Variants in NHSL1 observed in about 807,000 individuals in gnomAD.
NHSL1 encodes NHS-like protein 1.
NHSL1 carries 48 observed loss-of-function variants against 95.0 expected under a neutral mutation model. The ratio of observed to expected loss-of-function variants is 0.51; its 90% CI spans 0.40 to 0.64. The LOEUF (loss-of-function observed/expected upper bound fraction) is 0.64, where lower values mean the gene tolerates loss of function less well. Ranked by LOEUF, NHSL1 falls within the 30% of genes least tolerant of loss-of-function variation. The pLI is 0.00. For synonymous variants in NHSL1, 783 were observed against 833.9 expected, an observed-to-expected ratio of 0.94 and a Z score of 1.05; for missense variants, 1,971 against 2,077.7, an observed-to-expected ratio of 0.95 and a Z score of 1.00.
intron 1 of NHSL1, among the ~76,000 whole-genome samples, chr6:138,635,352 G>T (rs1356644249): frequency 2.0e-5 from 3 of 152,156 alleles, no homozygotes; most frequent in Admixed American, 6.5e-5. Flanking sequence ...TATGAAAAAT[G>T]AGACATTACA....
intron 1 of NHSL1, among the ~76,000 whole-genome samples, chr6:138,585,017 G>A (rs932837478): frequency 1.3e-5 from 2 of 152,116 alleles, no homozygotes; most frequent in African/African-American, 2.4e-5. Flanking sequence ...CTTGAACCCC[G>A]GCATGCTACA....
intron 1 of NHSL1, among the ~76,000 whole-genome samples, chr6:138,581,897 CTTTTTTTTTT>C (rs370719757): frequency 1.6e-5 from 2 of 124,324 alleles, no homozygotes; most frequent in South Asian, 2.6e-4. Flanking sequence ...CTTTTTCTTT[CTTTTTTTTTT>C]TTTTTTTTGA....
intron 1 of NHSL1, among the ~76,000 whole-genome samples, chr6:138,689,089 C>T (rs1355004910): frequency 6.6e-6 from 1 of 152,190 alleles, no homozygotes; most frequent in Non-Finnish European, 1.5e-5. Flanking sequence ...CATCCTCCTT[C>T]CTCCCTAAGG....
At chr6:138,643,476 C>T (rs1057319874) in intron 1 of NHSL1, among the ~76,000 whole-genome samples, 1 of 152,240 alleles carries the variant, frequency 6.6e-6, no homozygotes, top group South Asian at 2.1e-4. Context: ...TAATGTGTAT[C>T]CACTATTAAA....
At chr6:138,640,579 T>G (rs1295386636) in intron 1 of NHSL1, among the ~76,000 whole-genome samples, 1 of 152,176 alleles carries the variant, frequency 6.6e-6, no homozygotes, top group Non-Finnish European at 1.5e-5. Flanking sequence ...TTTCTCTTCT[T>G]TATGATTTTC....
chr6:138,526,525 C>G (rs1331352576), intron 1 of NHSL1, among the ~76,000 whole-genome samples: 2 of 152,138 alleles, frequency 1.3e-5, no homozygotes, highest in African/African-American at 4.8e-5. Context: ...AGTGCCCACT[C>G]TTCTTCCTTT....
chr6:138,530,396 TA>T (rs1397111520), intron 1 of NHSL1, among the ~76,000 whole-genome samples: 1 of 152,150 alleles, frequency 6.6e-6, no homozygotes, highest in Non-Finnish European at 1.5e-5. Context: ...AAAGTAGAAG[TA>T]CCATTCGATC....
At chr6:138,606,921 T>C (rs1200198734) in intron 1 of NHSL1, among the ~76,000 whole-genome samples, 1 of 152,048 alleles carries the variant, frequency 6.6e-6, no homozygotes. Context: ...GCCAGGATGG[T>C]CTCGATCTCC....
intron 3 of NHSL1, among the ~76,000 whole-genome samples, chr6:138,453,264 A>G (rs72988956): frequency 0.13 from 20,210 of 152,130 alleles, 1,360 homozygotes; most frequent in Middle Eastern, 0.17. Flanking sequence ...GTGAGCCACC[A>G]TGCCCAGCCT....
At chr6:138,612,109 C>CAA (rs368848438) in intron 1 of NHSL1, among the ~76,000 whole-genome samples, 6,728 of 73,174 alleles carry the variant, frequency 0.092, 858 homozygotes, top group African/African-American at 0.27. Flanking sequence ...GACTCCATCT[C>CAA]AAAAAAAAAA....
intron 4 of NHSL1, among the ~76,000 whole-genome samples, chr6:138,444,808 G>C: frequency 1.3e-5 from 2 of 152,214 alleles, no homozygotes; most frequent in Middle Eastern, 6.8e-3. Flanking sequence ...CTTTATGACA[G>C]ATTAGAAAAA....
upstream of NHSL1, among the ~76,000 whole-genome samples, chr6:138,574,672 C>CA (rs1193555851): frequency 0.019 from 1,536 of 80,188 alleles, 12 homozygotes; most frequent in Middle Eastern, 0.026. Context: ...ACAAATAATG[C>CA]AAAAAAAAAA....
chr6:138,574,864 T>A (rs896545959), upstream of NHSL1, among the ~76,000 whole-genome samples: 5 of 151,600 alleles, frequency 3.3e-5, no homozygotes, highest in Non-Finnish European at 7.4e-5. Context: ...AAGAAATAAA[T>A]AAAAATAAAA....
intron 1 of NHSL1, among the ~76,000 whole-genome samples, chr6:138,665,936 T>C (rs977996569): frequency 1.5e-4 from 23 of 152,356 alleles, no homozygotes; most frequent in African/African-American, 4.8e-4. Context: ...ATACACTGTG[T>C]CTATTGAGAA....
At chr6:138,572,537 G>C (rs568307120) in exon 1 of NHSL1, 1 of 152,484 alleles carries the variant, frequency 6.6e-6, no homozygotes, top group East Asian at 1.9e-4. Context: ...TCTGTGAAGC[G>C]CTCGTTCAGA....
Position 138,671,022 on chromosome 6 carries a change from G to A in NHSL1, c.96+21454C>T, listed in dbSNP as rs1306871977. ...TTAAAACTTAGCCAGGCATGGTGGT[G>A]CATGTCTGGAGTCCCAGATACTCCC... is the stretch of plus-strand genomic sequence containing the variant. On this transcript the variant is annotated intron_variant, in intron 1 of 3. Transcript: ENST00000491526. 2.6e-5 allele frequency among the ~76,000 whole-genome samples: 4 copies of A among 152,104 alleles called. No homozygotes were observed. In the East Asian group the frequency reaches 5.8e-4, roughly 22 times the overall value.
rs1170969064 is a variant in NHSL1 at position 138,431,643 on chromosome 6, G to A, written c.2702C>T (p.Ser901Leu). ...AGTACTAGAAGAAAGAGAAGTGGAC[G>A]ATGAGGAAATGGATACTGAAGATAT... ...SLISSVSISS[S>L]STSLSSSTST... The change falls in exon 6 of 8, where the codon TCG (serine) becomes TTG (leucine). Residue 901 changes from serine to leucine, a missense_variant. Ser to Leu is a moderately radical substitution (Grantham distance 145, BLOSUM62 -2). Around this residue, in one of 3 missense-constraint regions of NHSL1, gnomAD observed 1,602 missense variants for 1,654.5 expected, o/e 0.97. Transcript: ENST00000343505. The surrounding 1 kb of genome is among the most constrained non-coding windows in gnomAD (Gnocchi z 4.0). 3.9e-6 allele frequency: 6 copies of A among 1,551,568 alleles called. No individual in the cohort carries two copies. The highest frequency in any genetic ancestry group is 5.2e-6 in the Non-Finnish European group (6 of 1,146,818).
chr6:138,655,680 G>A (rs181723177), intron 1 of NHSL1, among the ~76,000 whole-genome samples: 1 of 152,014 alleles, frequency 6.6e-6, no homozygotes, highest in East Asian at 1.9e-4. Flanking sequence ...TCATAACTTT[G>A]AAACTAAAAA....
intron 1 of NHSL1, among the ~76,000 whole-genome samples, chr6:138,586,974 T>A (rs918181186): frequency 2.0e-5 from 3 of 151,170 alleles, no homozygotes; most frequent in African/African-American, 7.3e-5. Flanking sequence ...GTTGGGCGCG[T>A]GTGTTTTTTT....
Sources: gnomAD v4.1 joint callset for allele counts (sites outside exome capture counted in the v4.1 genomes callset) on GRCh38, gnomAD v4.1.1 for gene constraint, gnomAD v4.1.1 regional missense constraint, Gnocchi (gnomAD v3.1) non-coding constraint, MANE v1.5 for transcripts, NCBI Gene and HGNC (gene_info 2026-07-23, HGNC 2026-07-21) for gene names.